Variants in BCAR3 observed in about 807,000 individuals in gnomAD.
The protein encoded by BCAR3 is breast cancer anti-estrogen resistance protein 3.
BCAR3 carries 37 observed loss-of-function variants against 80.1 expected under a neutral mutation model. The ratio of observed to expected loss-of-function variants is 0.46; its 90% CI spans 0.36 to 0.61. BCAR3 has a LOEUF of 0.61. Ranked by LOEUF, BCAR3 falls within the 20% of genes least tolerant of loss-of-function variation. The pLI is 0.00. For synonymous variants in BCAR3, 389 were observed against 418.9 expected (o/e 0.93, Z 0.87); for missense variants, 978 against 1,068.2 (o/e 0.92, Z 1.18).
At chr1:93,678,411 A>C (rs1648596377) in intron 1 of BCAR3, among the ~76,000 whole-genome samples, 1 of 152,244 alleles carries the variant, frequency 6.6e-6, no homozygotes, top group Non-Finnish European at 1.5e-5. Context: ...AACAAGACAG[A>C]AGTGGTCTGT....
chr1:93,597,867 C>T (rs941817541), intron 3 of BCAR3, among the ~76,000 whole-genome samples: 1 of 152,206 alleles, frequency 6.6e-6, no homozygotes, highest in African/African-American at 2.4e-5. Flanking sequence ...TGGCCCAGCA[C>T]CTCTGCTCGG....
At chr1:93,637,472 T>C (rs1675824026) in intron 3 of BCAR3, among the ~76,000 whole-genome samples, 1 of 152,188 alleles carries the variant, frequency 6.6e-6, no homozygotes, top group African/African-American at 2.4e-5. Context: ...TATACATTTA[T>C]ATTTAGTGCT....
chr1:93,584,561 G>A (rs1438148036), intron 5 of BCAR3, among the ~76,000 whole-genome samples: 1 of 152,212 alleles, frequency 6.6e-6, no homozygotes, highest in Non-Finnish European at 1.5e-5. Context: ...AGTTAGGAAG[G>A]AAGCTGTGGG....
At chr1:93,692,014 T>C (rs1196997164) in intron 3 of BCAR3, among the ~76,000 whole-genome samples, 1 of 152,238 alleles carries the variant, frequency 6.6e-6, no homozygotes, top group Non-Finnish European at 1.5e-5. Flanking sequence ...AAAAGTTAAA[T>C]AATGTTTCTA....
chr1:93,809,724 C>T (rs886537999), intron 2 of BCAR3, among the ~76,000 whole-genome samples: 3 of 145,202 alleles, frequency 2.1e-5, no homozygotes, highest in African/African-American at 7.8e-5. Flanking sequence ...GCCTAGATAG[C>T]GCCTTTGCAC....
intron 2 of BCAR3, among the ~76,000 whole-genome samples, chr1:93,804,161 A>C (rs892563716): frequency 2.0e-5 from 3 of 152,208 alleles, no homozygotes; most frequent in Non-Finnish European, 4.4e-5. Context: ...AAATACATTA[A>C]AAAATAATTT....
chr1:93,573,609 T>TTTTTAATTA (rs760911546), intron 8 of BCAR3, among the ~76,000 whole-genome samples: 1 of 142,812 alleles, frequency 7.0e-6, no homozygotes, highest in African/African-American at 2.7e-5. Flanking sequence ...AAAATATATT[T>TTTTTAATTA]TTATTATTAT....
At chr1:93,595,701 A>G (rs1159310312) in intron 3 of BCAR3, among the ~76,000 whole-genome samples, 2 of 152,200 alleles carry the variant, frequency 1.3e-5, no homozygotes, top group African/African-American at 4.8e-5. Flanking sequence ...ACTTTGATGG[A>G]CTGTAAACCC....
chr1:93,659,246 A>T (rs80208363), intron 2 of BCAR3, among the ~76,000 whole-genome samples: 4,402 of 152,284 alleles, frequency 0.029, 99 homozygotes, highest in East Asian at 0.081. Flanking sequence ...GTGGTGCAAC[A>T]TTGGTTCACT....
At chr1:93,810,801 C>A (rs1653815931) in intron 2 of BCAR3, among the ~76,000 whole-genome samples, 1 of 152,194 alleles carries the variant, frequency 6.6e-6, no homozygotes, top group Non-Finnish European at 1.5e-5. Context: ...AATATACTCC[C>A]ATTAGGCTAA....
chr1:93,788,942 C>A (rs1235154920), intron 2 of BCAR3, among the ~76,000 whole-genome samples: 1 of 152,074 alleles, frequency 6.6e-6, no homozygotes, highest in Non-Finnish European at 1.5e-5. Context: ...AAAAATAATA[C>A]CAGCAAATGT....
chr1:93,722,998 G>C lies in BCAR3; in HGVS notation c.-62-16856C>G, dbSNP rs150864819. On this transcript the variant is annotated intron_variant, in intron 2 of 13. Coordinates refer to the BCAR3 transcript ENST00000370244. ...CCGCCTGAAGAACAAAGAAGCAGCCGTGATTAGAGGCTTGGGCAGACCTCT... is the reference window on the plus strand; with the variant it reads ...CCGCCTGAAGAACAAAGAAGCAGCCCTGATTAGAGGCTTGGGCAGACCTCT... 3.3e-5 allele frequency among the ~76,000 whole-genome samples: 5 copies of C among 152,286 alleles called. No homozygotes were observed. In the East Asian group the frequency reaches 9.7e-4, roughly 29 times the overall value.
intron 2 of BCAR3, among the ~76,000 whole-genome samples, chr1:93,777,378 C>T (rs886249710): frequency 5.0e-5 from 7 of 140,188 alleles, no homozygotes; most frequent in South Asian, 4.5e-4. Flanking sequence ...CTTCTTCCTC[C>T]TCTTCTTCTT....
chr1:93,818,803 G>A (rs1242130031), intron 2 of BCAR3, among the ~76,000 whole-genome samples: 1 of 152,208 alleles, frequency 6.6e-6, no homozygotes, highest in Non-Finnish European at 1.5e-5. Context: ...GTAAGTGGGT[G>A]GGTGATGAAT....
intron 3 of BCAR3, among the ~76,000 whole-genome samples, chr1:93,634,973 C>T (rs1675734724): frequency 6.6e-6 from 1 of 152,186 alleles, no homozygotes; most frequent in Admixed American, 6.5e-5. Context: ...GTGGCTCACA[C>T]ATGTAATCCC....
intron 3 of BCAR3, among the ~76,000 whole-genome samples, chr1:93,699,367 T>G (rs1649554122): frequency 6.6e-6 from 1 of 152,182 alleles, no homozygotes; most frequent in Non-Finnish European, 1.5e-5. Context: ...CTCCCTACAG[T>G]CTTCTTCCTG....
Position 93,582,928 on chromosome 1 carries a change from C to T in BCAR3, c.1059G>A (p.Ser353=), listed in dbSNP as rs12760294. The T allele has an allele frequency of 1.9e-5, 30 of 1,595,976 alleles. No homozygotes were observed. The Middle Eastern group carries it at 5.0e-4, about 26-fold the overall frequency. The part of the protein sequence containing the change: ...PIGCKLPPQS[S]GVDTSPCPNS... ...TTGGGCAGGGGCTTGTGTCCACACC[C>T]GAGGACTGAGGTGGCAGCTTGCAGC... Residue 353 remains serine (S), a synonymous_variant, in exon 7 of 12, where the codon TCG becomes TCA. Coordinates refer to ENST00000260502, the MANE Select transcript of BCAR3 (RefSeq NM_003567.4).
intron 3 of BCAR3, among the ~76,000 whole-genome samples, chr1:93,634,630 G>A (rs1293947619): frequency 6.6e-6 from 1 of 152,024 alleles, no homozygotes; most frequent in Non-Finnish European, 1.5e-5. Flanking sequence ...AGGAAGTGGA[G>A]GTTGCAATGA....
At chr1:93,702,306 G>T (rs1172284978) in intron 3 of BCAR3, among the ~76,000 whole-genome samples, 3 of 152,188 alleles carry the variant, frequency 2.0e-5, no homozygotes, top group Admixed American at 2.0e-4. Context: ...AGTTAGGCAG[G>T]TCAGGAGGGA....
Sources: allele counts gnomAD v4.1 joint callset (sites outside exome capture counted in the v4.1 genomes callset), GRCh38; gene constraint gnomAD v4.1.1; transcripts MANE v1.5; gene names NCBI Gene and HGNC (gene_info 2026-07-23, HGNC 2026-07-21).